The following ZFAND2A variants were observed in gnomAD, a reference collection of about 807,000 sequenced individuals.
ZFAND2A encodes the protein zinc finger AN1-type containing 2A.
ZFAND2A carries 20 observed loss-of-function variants against 11.6 expected under a neutral mutation model. The ratio of observed to expected loss-of-function variants is 1.72; its 90% CI spans 1.21 to 2.50. The LOEUF is 2.50. Among genes scored for constraint, ZFAND2A ranks in the 30% most tolerant of loss-of-function variants. The probability of loss-of-function intolerance (pLI) is 0.00; values close to 1 mark genes in which losing one functional copy is unlikely to be tolerated. For missense variants in ZFAND2A, 234 were observed against 182.9 expected, an observed-to-expected ratio of 1.28 and a Z score of -1.61; for synonymous variants, 93 against 60.6, an observed-to-expected ratio of 1.54 and a Z score of -2.48.
chr7:1,159,290 C>T (rs887314576), intron 1 of ZFAND2A, among the ~76,000 whole-genome samples: 3 of 152,198 alleles, frequency 2.0e-5, no homozygotes, highest in Non-Finnish European at 4.4e-5. Context: ...TTGTTCTGGA[C>T]GCACAGCACC....
Position 1,154,416 on chromosome 7 carries a change from C to T in ZFAND2A, c.282+1037G>A, listed in dbSNP as rs141492106. 1.4e-3 allele frequency among the ~76,000 whole-genome samples: 216 copies of T among 152,230 alleles called. 2 individuals are homozygous for T. Among genetic ancestry groups the T allele is most frequent in the Admixed American group, 1.4e-3 (21 of 15,298 alleles). ...GCCCACCAAAAGGACAGGAGCACAG[C>T]GGGCCAGGAGCAGCCGGGAGGGCAT... On this transcript the variant is annotated intron_variant, in intron 4 of 4. Transcript: ENST00000316495.
chr7:1,153,313 T>A, intron 4 of ZFAND2A, 89 bp from the exon 5 acceptor site: 1 of 1,459,966 alleles, frequency 6.8e-7, no homozygotes, highest in South Asian at 1.3e-5. Flanking sequence ...AGTGGCTTGA[T>A]CTTGGCTCAC....
rs1793564410 is a variant in ZFAND2A at position 1,157,733 on chromosome 7, A to G, written c.73T>C (p.Cys25Arg). The G allele has an allele frequency of 7.7e-6, 12 of 1,556,130 alleles. No individual in the cohort carries two copies. The highest frequency in any genetic ancestry group is 1.0e-5 in the Non-Finnish European group (12 of 1,155,246). Reference sequence around the variant, plus strand: ...CAGAAATCTTGTTTACATGCATCACATTTTACTGGAAGAAAATCTAAAAAA... The same window carrying G: ...CAGAAATCTTGTTTACATGCATCACGTTTTACTGGAAGAAAATCTAAAAAA... ...CKQLDFLPVK[C>R]DACKQDFCKD... is the part of the protein sequence containing the mutation. The change falls in exon 3 of 5, where the codon TGT (cysteine) becomes CGT (arginine). Residue 25 changes from cysteine to arginine, a missense_variant. Transcript: ENST00000316495.
At chr7:1,150,604 G>A (rs1269404012), downstream of ZFAND2A, among the ~76,000 whole-genome samples, 1 of 152,160 alleles carries the variant, frequency 6.6e-6, no homozygotes, top group Non-Finnish European at 1.5e-5. Context: ...GGCCGCATCT[G>A]TCATCTGAGC....
chr7:1,153,366 G>T, intron 4 of ZFAND2A, 142 bp from the exon 5 acceptor site: 1 of 863,048 alleles, frequency 1.2e-6, no homozygotes, highest in Non-Finnish European at 1.7e-6. Context: ...TCCTGCTTCA[G>T]CCTAGTACCT....
chr7:1,149,173 A>T (rs375065247), downstream of ZFAND2A, among the ~76,000 whole-genome samples: 5 of 152,092 alleles, frequency 3.3e-5, no homozygotes, highest in African/African-American at 1.2e-4. Context: ...ACATTTTTTC[A>T]TTAGAACACC....
In ZFAND2A at chr7:1,155,440, GCT is replaced by G; in HGVS notation, c.282+11_282+12del. The stretch of plus-strand genomic sequence containing the variant: ...TTCCCAGATGAAGGAACTGAGGCGG[GCT>G]CTGTCCTTACCTTCTCTTTCTTCTT... On this transcript the variant is annotated intron_variant, in intron 4 of 4. Transcript: ENST00000316495. The G allele has an allele frequency of 6.2e-7, 1 of 1,610,568 alleles. No individual in the cohort carries two copies. Among genetic ancestry groups the G allele is most frequent in the Non-Finnish European group, 8.5e-7 (1 of 1,178,508 alleles).
At chr7:1,156,170 C>A (rs191203646) in intron 3 of ZFAND2A, among the ~76,000 whole-genome samples, 1 of 118,536 alleles carries the variant, frequency 8.4e-6, no homozygotes, top group Non-Finnish European at 1.7e-5. Context: ...TGCCCAGCAG[C>A]TGAAGGCCCA....
chr7:1,159,337 G>A lies in ZFAND2A; in HGVS notation c.-46+627C>T, dbSNP rs192841257. Among the ~76,000 whole-genome samples, 232 of 152,362 alleles carry A rather than the reference G, an allele frequency of 1.5e-3. 1 individual carries two copies. Among genetic ancestry groups the A allele is most frequent in the African/African-American group, 5.0e-3 (208 of 41,588 alleles). The stretch of plus-strand genomic sequence containing the variant: ...ACCAACACCCTACCCTGGCGGGCCG[G>A]GCCCGCAGCAAGAAAACACACATCT... On this transcript the variant is annotated intron_variant, in intron 1 of 4. Coordinates refer to ENST00000316495, the MANE Select transcript of ZFAND2A (RefSeq NM_182491.4).
At chr7:1,158,790 G>A (rs970799827) in intron 1 of ZFAND2A, among the ~76,000 whole-genome samples, 8 of 152,176 alleles carry the variant, frequency 5.3e-5, no homozygotes, top group African/African-American at 1.4e-4. Flanking sequence ...AAGTCACTAT[G>A]GAAAACAGGC....
chr7:1,152,226 G>GA, downstream of ZFAND2A: 1 of 1,554,458 alleles, frequency 6.4e-7, no homozygotes, highest in Non-Finnish European at 8.7e-7. Flanking sequence ...CCACACAGAC[G>GA]AAATTGCGTT....
Position 1,155,459 on chromosome 7 carries a change from TTTC to T in ZFAND2A, c.273_275del (p.Lys92del). The T allele has an allele frequency of 1.2e-6, 2 of 1,613,548 alleles. No homozygotes were observed. ...AGGCGGGCTCTGTCCTTACCTTCTC[TTTC>T]TTCTTCCCAGGGTGAGAGTCACAGT... On this transcript the variant is annotated inframe_deletion, in exon 4 of 5. Transcript: ENST00000316495.
downstream of ZFAND2A, among the ~76,000 whole-genome samples, chr7:1,151,762 T>TTAAA (rs1554344524): frequency 1.1e-5 from 1 of 87,158 alleles, no homozygotes; most frequent in African/African-American, 5.6e-5. Flanking sequence ...TCATCCCTTT[T>TTAAA]AAAAAAAAAA....
In ZFAND2A at chr7:1,157,760, A is replaced by G. The variant is rs753755425; in HGVS notation, c.56-10T>C. On this transcript the variant is annotated splice_polypyrimidine_tract_variant and intron_variant, in intron 2 of 4. Coordinates refer to ENST00000316495, the MANE Select transcript of ZFAND2A (RefSeq NM_182491.4). ...TTTACTGGAAGAAAATCTAAAAAAC[A>G]AAAAACAGGGAAGTGTTTTAACGAC... 6.5e-7 allele frequency: 1 copy of G among 1,540,376 alleles called. No homozygotes were observed. The highest frequency in any genetic ancestry group is 1.4e-5 in the African/African-American group (1 of 71,266).
Position 1,158,162 on chromosome 7 carries a change from CTGCT to C in ZFAND2A, c.47_50del (p.Lys16SerfsTer2). 6.2e-7 allele frequency: 1 copy of C among 1,614,112 alleles called. No individual in the cohort carries two copies. Among genetic ancestry groups the C allele is most frequent in the South Asian group, 1.1e-5 (1 of 91,080 alleles). Reference sequence around the variant, plus strand: ...AAGTCTCTTAAAAGTACTCACCTAGCTGCTTGCAAGTCTTTTCTGAACAATGCTT... The same window carrying C: ...AAGTCTCTTAAAAGTACTCACCTAGCTGCAAGTCTTTTCTGAACAATGCTT... On this transcript the variant is annotated frameshift_variant, in exon 2 of 5. Coordinates refer to ENST00000316495, the MANE Select transcript of ZFAND2A (RefSeq NM_182491.4). LOFTEE classifies it high-confidence loss of function.
chr7:1,149,700 C>T (rs1191327179), downstream of ZFAND2A, among the ~76,000 whole-genome samples: 2 of 152,336 alleles, frequency 1.3e-5, no homozygotes, highest in South Asian at 4.1e-4. Context: ...GCTACAAATG[C>T]GTGCAGAGTG....
chr7:1,150,902 T>TTTTTTTTTTTTTTC (rs1457637386), downstream of ZFAND2A, among the ~76,000 whole-genome samples: 4 of 142,142 alleles, frequency 2.8e-5, no homozygotes, highest in African/African-American at 5.3e-5. Context: ...TTTTTTTTTT[T>TTTTTTTTTTTTTTC]TTTGAGATTC....
rs1381241219 is a variant in ZFAND2A, at chr7:1,155,454, T to G, written c.281A>C (p.Lys94Thr). ...AACTGAGGCGGGCTCTGTCCTTACC[T>G]TCTCTTTCTTCTTCCCAGGGTGAGA... ...CDSHPGKKKE[K>T]IFTYRCSKEG... Residue 94 changes from lysine to threonine, a missense_variant and splice_region_variant, in exon 4 of 5, where the codon AAG (lysine) becomes ACG (threonine). By Grantham distance (78) the Lys-to-Thr change is moderately conservative. Coordinates refer to ENST00000316495, the MANE Select transcript of ZFAND2A (RefSeq NM_182491.4). 6.2e-7 allele frequency: 1 copy of G among 1,613,214 alleles called. No homozygotes were observed. The highest frequency in any genetic ancestry group is 8.5e-7 in the Non-Finnish European group (1 of 1,179,596).
downstream of ZFAND2A, among the ~76,000 whole-genome samples, chr7:1,151,003 T>G (rs984423539): frequency 6.6e-6 from 1 of 151,476 alleles, no homozygotes; most frequent in Non-Finnish European, 1.5e-5. Context: ...TTCTCCTGCC[T>G]CAGCCTCCTG....
Sources: allele counts gnomAD v4.1 joint callset (sites outside exome capture counted in the v4.1 genomes callset), GRCh38; gene constraint gnomAD v4.1.1; transcripts MANE v1.5; gene names NCBI Gene and HGNC (gene_info 2026-07-23, HGNC 2026-07-21).